NCOA2: variants seen among roughly 807,000 people sequenced by gnomAD.
NCOA2 encodes class E basic helix-loop-helix protein 75.
In NCOA2, 21 loss-of-function variants were observed where a neutral mutation model predicts 145.1. That is an observed-to-expected ratio of 0.14 (90% CI 0.10 to 0.21). NCOA2 has a LOEUF of 0.21. Ranked by LOEUF, NCOA2 falls within the 10% of genes least tolerant of loss-of-function variation. NCOA2 has a pLI of 1.00. For missense variants in NCOA2, 1,472 were observed against 1,837.6 expected (o/e 0.80, Z 3.64); for synonymous variants, 619 against 637.5 (o/e 0.97, Z 0.44).
At chr8:70,268,728 G>A (rs1194742699) in intron 2 of NCOA2, among the ~76,000 whole-genome samples, 1 of 152,104 alleles carries the variant, frequency 6.6e-6, no homozygotes, top group Non-Finnish European at 1.5e-5. Context: ...AAATGAGTTA[G>A]TACAAGTAAA....
chr8:70,156,724 T>A lies in NCOA2; in HGVS notation c.1641A>T (p.Ser547=). The change falls in exon 11 of 23, where the codon TCA becomes TCT. Residue 547 remains serine (S), a synonymous_variant. Coordinates refer to ENST00000452400, the MANE Select transcript of NCOA2 (RefSeq NM_006540.4). ...LQALSEGHGV[S]LGSSLASPDL... ...CTGGTGAAGCCAACGATGACCCTAATGAGACCCCGTGCCCCTCGCTGAGGG... is the reference window on the plus strand; with the variant it reads ...CTGGTGAAGCCAACGATGACCCTAAAGAGACCCCGTGCCCCTCGCTGAGGG... 6.2e-7 allele frequency: 1 copy of A among 1,613,978 alleles called. No homozygotes were observed. Among genetic ancestry groups the A allele is most frequent in the African/African-American group, 1.3e-5 (1 of 75,052 alleles).
At chr8:70,455,060 T>C in the NCOA2 span, among the ~76,000 whole-genome samples, 1 of 152,260 alleles carries the variant, frequency 6.6e-6, no homozygotes, top group Admixed American at 6.5e-5. Flanking sequence ...AAGGATACTT[T>C]GAAAAGAACA....
chr8:70,296,423 A>G (rs2135745806), intron 2 of NCOA2, among the ~76,000 whole-genome samples: 1 of 152,324 alleles, frequency 6.6e-6, no homozygotes, highest in Admixed American at 6.5e-5. Flanking sequence ...TTTACATATA[A>G]AAATAAATAT....
At chr8:70,395,328 A>G (rs969992430) in intron 1 of NCOA2, among the ~76,000 whole-genome samples, 4 of 152,304 alleles carry the variant, frequency 2.6e-5, no homozygotes, top group African/African-American at 4.8e-5. Flanking sequence ...GGCACACCCT[A>G]TGCTACATCC....
intron 1 of NCOA2, among the ~76,000 whole-genome samples, chr8:70,398,327 C>T (rs756215604): frequency 3.9e-5 from 6 of 152,240 alleles, no homozygotes; most frequent in Non-Finnish European, 7.4e-5. Context: ...GGCGTGGAGA[C>T]ACACACCTGT....
chr8:70,386,814 A>AG (rs1485448397), intron 1 of NCOA2, among the ~76,000 whole-genome samples: 1 of 152,226 alleles, frequency 6.6e-6, no homozygotes, highest in East Asian at 1.9e-4. Context: ...TCCAACAAAA[A>AG]GGAAATTTGG....
At chr8:70,232,628 A>C (rs541746786) in intron 2 of NCOA2, among the ~76,000 whole-genome samples, 22 of 151,934 alleles carry the variant, frequency 1.4e-4, no homozygotes, top group African/African-American at 5.3e-4. Flanking sequence ...CTCCAACCCC[A>C]TTTCTATTCC....
intron 1 of NCOA2, among the ~76,000 whole-genome samples, chr8:70,391,889 T>C (rs1813241669): frequency 6.6e-6 from 1 of 152,240 alleles, no homozygotes; most frequent in Admixed American, 6.5e-5. Flanking sequence ...GGTTTAATAA[T>C]GGTACTGTGT....
At chr8:70,284,783 T>G (rs1826125787) in intron 2 of NCOA2, among the ~76,000 whole-genome samples, 1 of 152,018 alleles carries the variant, frequency 6.6e-6, no homozygotes, top group South Asian at 2.1e-4. Context: ...GCCTCTACCC[T>G]CTGGCAGCAT....
intron 4 of NCOA2, among the ~76,000 whole-genome samples, chr8:70,177,318 C>T (rs1814980485): frequency 6.6e-6 from 1 of 152,166 alleles, no homozygotes; most frequent in Admixed American, 6.5e-5. Flanking sequence ...TACAGTGTGA[C>T]ACACAGTCCA....
In NCOA2 at chr8:70,165,104, C is replaced by T. The variant is rs111829780; in HGVS notation, c.730+1462G>A. On this transcript the variant is annotated intron_variant, in intron 7 of 22. Coordinates refer to ENST00000452400, the MANE Select transcript of NCOA2 (RefSeq NM_006540.4). ...TATAAAGCACAAAGTAATAAATTAG[C>T]TCAGCTATTCCTTTTTTATACTGCC... 3.8e-3 allele frequency among the ~76,000 whole-genome samples: 585 copies of T among 152,272 alleles called. 9 individuals carry two copies. The highest frequency in any genetic ancestry group is 0.014 in the African/African-American group (562 of 41,558).
At chr8:70,233,774 T>C (rs1208702902) in intron 2 of NCOA2, among the ~76,000 whole-genome samples, 1 of 152,224 alleles carries the variant, frequency 6.6e-6, no homozygotes, top group Non-Finnish European at 1.5e-5. Context: ...TTTTATGGGA[T>C]CTTCTTCCTT....
At chr8:70,414,840 CA>C in the NCOA2 span, among the ~76,000 whole-genome samples, 2 of 152,040 alleles carry the variant, frequency 1.3e-5, no homozygotes, top group Admixed American at 1.3e-4. Context: ...CCTTTTGACA[CA>C]ACTAATAGCC....
intron 1 of NCOA2, among the ~76,000 whole-genome samples, chr8:70,365,668 A>G (rs1005066577): frequency 1.3e-5 from 2 of 152,238 alleles, no homozygotes; most frequent in African/African-American, 4.8e-5. Flanking sequence ...ACAGACGTAA[A>G]TGTTTTTAAA....
chr8:70,243,221 A>G (rs949638874), intron 2 of NCOA2, among the ~76,000 whole-genome samples: 29 of 152,264 alleles, frequency 1.9e-4, no homozygotes, highest in African/African-American at 6.7e-4. Context: ...TAAAAAACAA[A>G]AAGTATTTCT....
chr8:70,340,868 G>A (rs941192927), intron 1 of NCOA2, among the ~76,000 whole-genome samples: 1 of 152,084 alleles, frequency 6.6e-6, no homozygotes, highest in African/African-American at 2.4e-5. Flanking sequence ...TTGTAAGTGG[G>A]AGTTGAATGA....
intron 22 of NCOA2, among the ~76,000 whole-genome samples, chr8:70,118,744 A>AACGGCATGATCTCGGCTC (rs1481932346): frequency 4.7e-5 from 7 of 148,438 alleles, no homozygotes; most frequent in Non-Finnish European, 1.0e-4. Flanking sequence ...GCTGGAGTGC[A>AACGGCATGATCTCGGCTC]ACGGCATGAT....
upstream of NCOA2, among the ~76,000 whole-genome samples, chr8:70,405,088 C>T (rs1814707853): frequency 1.3e-5 from 2 of 152,298 alleles, no homozygotes; most frequent in Admixed American, 1.3e-4. Context: ...TTTCACTTCA[C>T]ACAAAAAATT....
chr8:70,163,977 CTT>C (rs1563552825), intron 7 of NCOA2, among the ~76,000 whole-genome samples: 1 of 152,166 alleles, frequency 6.6e-6, no homozygotes. Flanking sequence ...ATATGATACT[CTT>C]GTTTTGTCAA....
Sources: allele counts gnomAD v4.1 joint callset (sites outside exome capture counted in the v4.1 genomes callset), GRCh38; gene constraint gnomAD v4.1.1; transcripts MANE v1.5; gene names NCBI Gene and HGNC (gene_info 2026-07-23, HGNC 2026-07-21).